LIN54: variants seen among roughly 807,000 people sequenced by gnomAD.
LIN54 encodes protein lin-54 homolog.
LIN54 carries 9 observed loss-of-function variants against 78.7 expected under a neutral mutation model. The observed-to-expected ratio is 0.11, with a 90% confidence interval of 0.07 to 0.20. The LOEUF is 0.20. Among genes scored for constraint, LIN54 ranks in the 10% least tolerant of loss-of-function variants. The pLI is 1.00. For missense variants in LIN54, 573 were observed against 889.9 expected (o/e 0.64, Z 4.53); for synonymous variants, 269 against 318.4 (o/e 0.84, Z 1.65).
At chr4:82,992,428 A>C (rs1727806171) in intron 1 of LIN54, among the ~76,000 whole-genome samples, 1 of 152,148 alleles carries the variant, frequency 6.6e-6, no homozygotes, top group Admixed American at 6.6e-5. Context: ...CTGTAATCTC[A>C]GAACTTTTGA....
intron 4 of LIN54, among the ~76,000 whole-genome samples, chr4:82,955,653 C>T (rs1049551484): frequency 6.6e-6 from 1 of 151,810 alleles, no homozygotes; most frequent in Non-Finnish European, 1.5e-5. Flanking sequence ...GGCATGGTGG[C>T]TCATGCCTGT....
chr4:83,010,220 C>T (rs533129451), intron 1 of LIN54, among the ~76,000 whole-genome samples: 1 of 152,162 alleles, frequency 6.6e-6, no homozygotes, highest in Non-Finnish European at 1.5e-5. Flanking sequence ...GCCAGAGTGG[C>T]TGTTTTAAAC....
At chr4:82,983,625 T>A (rs1237492368) in intron 2 of LIN54, among the ~76,000 whole-genome samples, 1 of 152,192 alleles carries the variant, frequency 6.6e-6, no homozygotes, top group East Asian at 1.9e-4. Flanking sequence ...CTGTATGTTA[T>A]CTTCCATCAC....
intron 4 of LIN54, among the ~76,000 whole-genome samples, chr4:82,961,681 G>A (rs940850141): frequency 6.6e-6 from 1 of 152,166 alleles, no homozygotes; most frequent in Admixed American, 6.6e-5. Context: ...AAGGCCAGGC[G>A]TGGTGGCTCA....
At chr4:82,956,492 C>T (rs1253427663) in intron 4 of LIN54, among the ~76,000 whole-genome samples, 1 of 151,946 alleles carries the variant, frequency 6.6e-6, no homozygotes, top group Non-Finnish European at 1.5e-5. Flanking sequence ...CCTGGGGCAA[C>T]ACAGTAAAAC....
intron 4 of LIN54, among the ~76,000 whole-genome samples, chr4:82,956,571 C>G (rs1419095641): frequency 1.3e-5 from 2 of 151,966 alleles, no homozygotes; most frequent in Non-Finnish European, 2.9e-5. Flanking sequence ...GCTGTGATCG[C>G]ACCACTGCAC....
intron 1 of LIN54, among the ~76,000 whole-genome samples, chr4:82,998,005 AATAATAATATATAT>A (rs1219652973): frequency 9.2e-4 from 8 of 8,732 alleles, no homozygotes; most frequent in Admixed American, 2.0e-3. Context: ...AAAAAAAAAA[AATAATAATATATAT>A]ATAATAATAT....
chr4:82,981,948 C>T (rs770692142), intron 2 of LIN54, among the ~76,000 whole-genome samples: 1 of 152,058 alleles, frequency 6.6e-6, no homozygotes, highest in African/African-American at 2.4e-5. Context: ...GTGGGAGGAG[C>T]ATTTGAGCTT....
Position 82,984,525 on chromosome 4 carries a change from G to A in LIN54, c.320C>T (p.Pro107Leu). The A allele has an allele frequency of 6.2e-7, 1 of 1,614,152 alleles. No individual in the cohort carries two copies. Among genetic ancestry groups the A allele is most frequent in the Non-Finnish European group, 8.5e-7 (1 of 1,180,006 alleles). ...SGLQKLGAQT[P>L]VTISANQIIL... is the part of the protein sequence containing the mutation. ...AATCTGATTGGCTGATATAGTCACA[G>A]GAGTCTGAGCACCAAGTTTTTGAAG... Residue 107 changes from proline (P) to leucine (L), a missense_variant, in exon 2 of 13, where the codon CCT becomes CTT. By Grantham distance (98) the Pro-to-Leu change is moderately conservative (BLOSUM62 -3). Around this residue, in one of 6 missense-constraint regions of LIN54, gnomAD observed 183 missense variants for 228.4 expected, o/e 0.80. Coordinates refer to ENST00000340417, the MANE Select transcript of LIN54 (RefSeq NM_194282.4).
chr4:82,995,406 CAG>C (rs1461952480), intron 1 of LIN54, among the ~76,000 whole-genome samples: 4 of 147,734 alleles, frequency 2.7e-5, no homozygotes, highest in Admixed American at 6.8e-5. Flanking sequence ...ATGTAATAGA[CAG>C]AGACTATTCC....
At chr4:82,979,991 G>T (rs1012457638) in intron 2 of LIN54, among the ~76,000 whole-genome samples, 8 of 139,688 alleles carry the variant, frequency 5.7e-5, no homozygotes, top group African/African-American at 2.1e-4. Flanking sequence ...TCGTCACCCA[G>T]ACTGGAGTGC....
chr4:82,975,645 G>A (rs971839085), intron 3 of LIN54, among the ~76,000 whole-genome samples: 12 of 151,178 alleles, frequency 7.9e-5, no homozygotes, highest in Admixed American at 1.3e-4. Context: ...CCAGGAGGCG[G>A]ATGTTGCAGT....
intron 1 of LIN54, among the ~76,000 whole-genome samples, chr4:83,009,670 T>C (rs1289336367): frequency 1.3e-5 from 2 of 152,160 alleles, no homozygotes. Flanking sequence ...CACTCCAGCA[T>C]TTAGTGATTT....
intron 1 of LIN54, among the ~76,000 whole-genome samples, chr4:82,988,056 T>C (rs1727327139): frequency 6.6e-6 from 1 of 152,336 alleles, no homozygotes; most frequent in African/African-American, 2.4e-5. Context: ...TTTCCTGACT[T>C]TTTAATAATC....
chr4:82,978,797 T>C, intron 3 of LIN54, 86 bp downstream of exon 3: 1 of 831,420 alleles, frequency 1.2e-6, no homozygotes, highest in East Asian at 2.7e-5. Context: ...TTTGTTACAC[T>C]AAAACATTTT....
intron 4 of LIN54, among the ~76,000 whole-genome samples, chr4:82,948,140 G>A (rs557731769): frequency 3.9e-4 from 60 of 152,098 alleles, no homozygotes; most frequent in African/African-American, 1.2e-3. Context: ...AGCAACCTAC[G>A]AGACAAGTAC....
chr4:82,971,702 A>C (rs1321612653), intron 3 of LIN54, among the ~76,000 whole-genome samples: 1 of 152,170 alleles, frequency 6.6e-6, no homozygotes, highest in East Asian at 1.9e-4. Flanking sequence ...AGCACTAAGA[A>C]AGAACTTCTA....
intron 4 of LIN54, among the ~76,000 whole-genome samples, chr4:82,953,895 G>A: frequency 6.6e-6 from 1 of 151,900 alleles, no homozygotes; most frequent in East Asian, 1.9e-4. Flanking sequence ...AGCCACGATC[G>A]CACCACTGCA....
At chr4:82,959,937 CTTAA>C (rs1177279105) in intron 4 of LIN54, among the ~76,000 whole-genome samples, 2 of 152,038 alleles carry the variant, frequency 1.3e-5, no homozygotes, top group African/African-American at 4.8e-5. Flanking sequence ...AAAAATTATT[CTTAA>C]TTATGTGAGA....
Sources: gnomAD v4.1 joint callset for allele counts (sites outside exome capture counted in the v4.1 genomes callset) on GRCh38, gnomAD v4.1.1 for gene constraint, gnomAD v4.1.1 regional missense constraint, MANE v1.5 for transcripts, NCBI Gene and HGNC (gene_info 2026-07-23, HGNC 2026-07-21) for gene names.